The following LINGO2 variants were observed in gnomAD, a reference collection of about 807,000 sequenced individuals.
LINGO2 encodes the protein leucine-rich repeat and immunoglobulin-like domain-containing nogo receptor-interacting protein 2.
Under a neutral mutation model 30.6 loss-of-function variants are expected in LINGO2, and 14 were observed. The observed-to-expected ratio is 0.46, with a 90% CI of 0.30 to 0.72. The LOEUF is 0.72. LINGO2 is among the 30% of genes least tolerant of loss of function. LINGO2 has a pLI of 0.07. For missense variants in LINGO2, 729 were observed against 751.7 expected, an observed-to-expected ratio of 0.97 and a Z score of 0.35; for synonymous variants, 317 against 288.5, an observed-to-expected ratio of 1.10 and a Z score of -1.00.
At chr9:29,111,878 T>G in the LINGO2 span, among the ~76,000 whole-genome samples, 2 of 150,378 alleles carry the variant, frequency 1.3e-5, no homozygotes, top group Non-Finnish European at 3.0e-5. Flanking sequence ...TGTGTGTATA[T>G]ATACATATAT....
At position 28,591,846 on chromosome 9, in the gene LINGO2, G is replaced by C. The variant is rs541606502; in HGVS notation, c.-365+78354C>G. Among the ~76,000 whole-genome samples, 8 of 152,138 alleles carry C rather than the reference G, an allele frequency of 5.3e-5. No individual in the cohort carries two copies. The East Asian group carries it at 1.6e-3, about 30-fold the overall frequency. On this transcript the variant is annotated intron_variant, in intron 1 of 5. Coordinates refer to ENST00000379992, the Ensembl canonical transcript of LINGO2. ...CAATACTACTGTCTTGGAAACTCTA[G>C]CTATAGCTGTCAGTGCCCACACTTG...
intron 1 of LINGO2, among the ~76,000 whole-genome samples, chr9:28,571,290 A>G (rs1823677000): frequency 6.6e-6 from 1 of 152,088 alleles, no homozygotes; most frequent in Admixed American, 6.6e-5. Context: ...AAGTATAAGT[A>G]GTCTTTCAGA....
rs548908465 is a variant in LINGO2 at position 28,053,321 on chromosome 9, G to C, written c.-86-40916C>G. ...AAACTGCCAGCAGTTTAGTATGACC[G>C]GGTCTTAGGCTGCAAGGGAGAGAGT... On this transcript the variant is annotated intron_variant, in intron 4 of 5. Coordinates refer to ENST00000379992, the Ensembl canonical transcript of LINGO2. Among the ~76,000 whole-genome samples the C allele has an allele frequency of 4.6e-5, 7 of 152,164 alleles. No individual in the cohort carries two copies. The East Asian group carries it at 1.4e-3, about 29-fold the overall frequency.
chr9:28,004,779 CA>C (rs1822177512), intron 5 of LINGO2, among the ~76,000 whole-genome samples: 1 of 152,044 alleles, frequency 6.6e-6, no homozygotes. Flanking sequence ...GAGAAAGAGA[CA>C]CCAAAATAGG....
chr9:28,343,969 GCTGACTT>G (rs922158634), intron 3 of LINGO2, among the ~76,000 whole-genome samples: 1 of 152,132 alleles, frequency 6.6e-6, no homozygotes, highest in Non-Finnish European at 1.5e-5. Context: ...GGCAGCCAAA[GCTGACTT>G]TCTAAGGGAA....
At chr9:28,383,741 A>G (rs1331882) in intron 2 of LINGO2, among the ~76,000 whole-genome samples, 102,075 of 151,960 alleles carry the variant, frequency 0.67, 36,202 homozygotes, top group Non-Finnish European at 0.79. Context: ...AGATATTCCC[A>G]GGGGTGCTTA....
At chr9:27,992,877 G>A (rs1445545396) in intron 5 of LINGO2, among the ~76,000 whole-genome samples, 1 of 152,090 alleles carries the variant, frequency 6.6e-6, no homozygotes, top group Non-Finnish European at 1.5e-5. Flanking sequence ...AAAGGATACT[G>A]ACAGACTTTC....
intron 1 of LINGO2, among the ~76,000 whole-genome samples, chr9:28,561,088 G>A (rs1192990613): frequency 6.6e-6 from 1 of 151,998 alleles, no homozygotes; most frequent in African/African-American, 2.4e-5. Context: ...AAAGTGGCAA[G>A]TGAGGAAAGA....
chr9:29,175,987 G>A, the LINGO2 span, among the ~76,000 whole-genome samples: 1 of 151,914 alleles, frequency 6.6e-6, no homozygotes, highest in Admixed American at 6.6e-5. Context: ...ATTTATTCAG[G>A]AATCCTTACT....
At chr9:28,110,088 C>T (rs1563980648) in intron 4 of LINGO2, among the ~76,000 whole-genome samples, 3 of 152,208 alleles carry the variant, frequency 2.0e-5, no homozygotes, top group Non-Finnish European at 4.4e-5. Context: ...AGAAATAACA[C>T]CACACATCTA....
At chr9:28,722,459 T>C in the LINGO2 span, among the ~76,000 whole-genome samples, 4 of 152,132 alleles carry the variant, frequency 2.6e-5, no homozygotes, top group African/African-American at 4.8e-5. Flanking sequence ...CTCATAACCA[T>C]ACCCAATGTG....
At chr9:28,736,373 C>A in the LINGO2 span, among the ~76,000 whole-genome samples, 1 of 152,160 alleles carries the variant, frequency 6.6e-6, no homozygotes, top group African/African-American at 2.4e-5. Flanking sequence ...GGAGTCAGAA[C>A]GGTGTGGAAA....
the LINGO2 span, among the ~76,000 whole-genome samples, chr9:29,202,319 C>G: frequency 6.6e-6 from 1 of 151,928 alleles, no homozygotes; most frequent in South Asian, 2.1e-4. Context: ...CCCATGTGAT[C>G]TGAAAAAGAC....
At chr9:28,124,687 A>G (rs1343161215) in intron 4 of LINGO2, among the ~76,000 whole-genome samples, 1 of 152,206 alleles carries the variant, frequency 6.6e-6, no homozygotes, top group Non-Finnish European at 1.5e-5. Flanking sequence ...TTCCTGAGAA[A>G]TGGGATCACT....
At chr9:28,359,322 A>G (rs1304708861) in intron 3 of LINGO2, among the ~76,000 whole-genome samples, 2 of 152,160 alleles carry the variant, frequency 1.3e-5, no homozygotes, top group African/African-American at 4.8e-5. Flanking sequence ...TATCCAGAGC[A>G]TACTAGACTC....
chr9:29,105,989 G>T, the LINGO2 span, among the ~76,000 whole-genome samples: 2 of 152,276 alleles, frequency 1.3e-5, no homozygotes, highest in South Asian at 4.1e-4. Flanking sequence ...GCTTTTATTT[G>T]ATCCTTACAA....
intron 3 of LINGO2, among the ~76,000 whole-genome samples, chr9:28,347,969 G>A (rs534683458): frequency 6.6e-6 from 1 of 152,292 alleles, no homozygotes; most frequent in African/African-American, 2.4e-5. Context: ...AAAAGATTTG[G>A]ATGTAAAGAA....
At chr9:28,797,416 G>A in the LINGO2 span, among the ~76,000 whole-genome samples, 11 of 129,358 alleles carry the variant, frequency 8.5e-5, no homozygotes, top group Admixed American at 7.7e-4. Flanking sequence ...GAAATCACTC[G>A]GATGTCTTAG....
chr9:28,952,471 T>C, the LINGO2 span, among the ~76,000 whole-genome samples: 1 of 152,184 alleles, frequency 6.6e-6, no homozygotes, highest in African/African-American at 2.4e-5. Context: ...CATTCTCATC[T>C]TCCAGAGCTA....
Sources: allele counts gnomAD v4.1 joint callset (sites outside exome capture counted in the v4.1 genomes callset), GRCh38; gene constraint gnomAD v4.1.1; transcripts MANE v1.5; gene names NCBI Gene and HGNC (gene_info 2026-07-23, HGNC 2026-07-21).